The following GULP1 variants were observed in gnomAD, a reference collection of about 807,000 sequenced individuals.
GULP1 encodes the protein PTB domain-containing engulfment adapter protein 1.
A neutral mutation model predicts 40.9 loss-of-function variants in GULP1; 19 were observed. The ratio of observed to expected loss-of-function variants is 0.46; its 90% CI spans 0.32 to 0.68. GULP1 has a LOEUF of 0.68. Among genes scored for constraint, GULP1 ranks in the 30% least tolerant of loss-of-function variants. GULP1 has a pLI of 0.03. For synonymous variants in GULP1, 119 were observed against 117.6 expected (o/e 1.01, Z -0.08); for missense variants, 312 against 362.2 (o/e 0.86, Z 1.12).
intron 1 of GULP1, among the ~76,000 whole-genome samples, chr2:188,352,616 T>TCACA (rs1179352194): frequency 1.1e-4 from 8 of 75,956 alleles, no homozygotes; most frequent in Middle Eastern, 6.7e-3. Flanking sequence ...TCTCTCTCTC[T>TCACA]CTCACACACA....
chr2:188,473,048 C>T (rs1192163182), intron 2 of GULP1, among the ~76,000 whole-genome samples: 1 of 152,162 alleles, frequency 6.6e-6, no homozygotes, highest in Non-Finnish European at 1.5e-5. Flanking sequence ...GAGATACTGC[C>T]CTGATGGTCT....
intron 1 of GULP1, among the ~76,000 whole-genome samples, chr2:188,357,793 G>A (rs1268981917): frequency 4.6e-5 from 7 of 152,214 alleles, no homozygotes; most frequent in South Asian, 2.1e-4. Flanking sequence ...AACAATAGCC[G>A]AGATATGGAA....
intron 7 of GULP1, among the ~76,000 whole-genome samples, chr2:188,563,908 A>G (rs1042758586): frequency 2.0e-4 from 30 of 151,968 alleles, no homozygotes; most frequent in Non-Finnish European, 3.7e-4. Flanking sequence ...GTCCAGCAAT[A>G]TATAAAATAG....
chr2:188,516,760 C>A (rs1011887964), intron 4 of GULP1, among the ~76,000 whole-genome samples: 1 of 152,120 alleles, frequency 6.6e-6, no homozygotes, highest in Non-Finnish European at 1.5e-5. Context: ...TGCTACAAGT[C>A]CTTGGACCAA....
intron 1 of GULP1, among the ~76,000 whole-genome samples, chr2:188,341,166 C>G (rs889991303): frequency 6.6e-6 from 1 of 152,106 alleles, no homozygotes; most frequent in South Asian, 2.1e-4. Flanking sequence ...ATTTCTTTGC[C>G]TCCTGTTCCT....
chr2:188,448,093 T>A, intron 2 of GULP1, among the ~76,000 whole-genome samples: 1 of 152,206 alleles, frequency 6.6e-6, no homozygotes. Flanking sequence ...AGAGATATAG[T>A]TTGGATTCTG....
chr2:188,470,759 G>C (rs1253766358), intron 2 of GULP1, among the ~76,000 whole-genome samples: 1 of 152,038 alleles, frequency 6.6e-6, no homozygotes, highest in Non-Finnish European at 1.5e-5. Context: ...GTTTTATTCA[G>C]TTTTGGTCAG....
chr2:188,514,351 G>A (rs1036101901), intron 4 of GULP1, among the ~76,000 whole-genome samples: 3 of 151,964 alleles, frequency 2.0e-5, no homozygotes, highest in Non-Finnish European at 2.9e-5. Context: ...TGTTTATATC[G>A]GTTAGCCTAT....
chr2:188,504,431 T>G (rs558008539), intron 4 of GULP1, among the ~76,000 whole-genome samples: 11 of 151,900 alleles, frequency 7.2e-5, no homozygotes, highest in Admixed American at 2.0e-4. Context: ...AATTATTTCA[T>G]GGTTTTATAA....
chr2:188,426,105 G>A (rs570758186), intron 2 of GULP1, among the ~76,000 whole-genome samples: 29 of 152,132 alleles, frequency 1.9e-4, no homozygotes, highest in Admixed American at 1.0e-3. Context: ...ATCAATACAT[G>A]TAAGGTATAC....
intron 4 of GULP1, among the ~76,000 whole-genome samples, chr2:188,484,760 A>G (rs1291489541): frequency 6.6e-6 from 1 of 152,212 alleles, no homozygotes; most frequent in African/African-American, 2.4e-5. Context: ...AAGTTCTTCC[A>G]GAGCTGTTGT....
At chr2:188,339,641 C>G (rs1279234460) in intron 1 of GULP1, among the ~76,000 whole-genome samples, 1 of 152,134 alleles carries the variant, frequency 6.6e-6, no homozygotes, top group Non-Finnish European at 1.5e-5. Context: ...CCTGTAGAAC[C>G]ATTAGCCAAT....
intron 5 of GULP1, 110 bp downstream of exon 5, chr2:188,522,937 T>C (rs572083115): frequency 4.6e-6 from 3 of 648,210 alleles, no homozygotes; most frequent in Non-Finnish European, 8.5e-6. Context: ...AGCTTCACCC[T>C]ATTAAAAATG....
intron 1 of GULP1, among the ~76,000 whole-genome samples, chr2:188,356,090 G>A (rs1339541856): frequency 2.0e-5 from 3 of 152,020 alleles, no homozygotes; most frequent in Non-Finnish European, 4.4e-5. Flanking sequence ...CATACTGAAT[G>A]TAGAAAAGCT....
chr2:188,427,678 G>C (rs1001473243), intron 2 of GULP1, among the ~76,000 whole-genome samples: 1 of 152,240 alleles, frequency 6.6e-6, no homozygotes, highest in African/African-American at 2.4e-5. Context: ...TGAGGCTTGA[G>C]AGCCTCTGCC....
intron 2 of GULP1, among the ~76,000 whole-genome samples, chr2:188,392,235 T>G (rs913349220): frequency 6.6e-6 from 1 of 152,070 alleles, no homozygotes; most frequent in African/African-American, 2.4e-5. Flanking sequence ...GGCCCTGGGC[T>G]TTTATTGTTG....
At chr2:188,296,231 T>C (rs963135955) in intron 1 of GULP1, among the ~76,000 whole-genome samples, 3 of 152,040 alleles carry the variant, frequency 2.0e-5, no homozygotes, top group Non-Finnish European at 1.5e-5. Context: ...TGGTATAACT[T>C]TGAATGGAGA....
chr2:188,361,339 C>T (rs2046053504), intron 1 of GULP1, among the ~76,000 whole-genome samples: 1 of 151,914 alleles, frequency 6.6e-6, no homozygotes, highest in Non-Finnish European at 1.5e-5. Flanking sequence ...GCAGGAATGA[C>T]TCTGGCTTGT....
chr2:188,294,324 T>G (rs1244459476), intron 1 of GULP1: 1 of 152,238 alleles, frequency 6.6e-6, no homozygotes, highest in African/African-American at 2.4e-5. Context: ...GTATCCGGCA[T>G]GACTTCTTTG....
Sources: allele counts gnomAD v4.1 joint callset (sites outside exome capture counted in the v4.1 genomes callset), GRCh38; gene constraint gnomAD v4.1.1; transcripts MANE v1.5; gene names NCBI Gene and HGNC (gene_info 2026-07-23, HGNC 2026-07-21).